Variants in HIVEP1 observed in about 807,000 individuals in gnomAD.
The protein encoded by HIVEP1 is HIVEP zinc finger 1.
A neutral mutation model predicts 180.0 loss-of-function variants in HIVEP1; 36 were observed. The observed-to-expected ratio is 0.20, with a 90% CI of 0.15 to 0.26. The LOEUF is 0.26. Among genes scored for constraint, HIVEP1 ranks in the 10% least tolerant of loss-of-function variants. HIVEP1 has a pLI of 1.00. For missense variants in HIVEP1, 3,143 were observed against 3,268.7 expected, an observed-to-expected ratio of 0.96 and a Z score of 0.94; for synonymous variants, 1,239 against 1,239.0, an observed-to-expected ratio of 1.00 and a Z score of 0.00.
chr6:12,130,079 A>T (rs1758335431), intron 5 of HIVEP1, among the ~76,000 whole-genome samples, 187 bp downstream of exon 5: 1 of 152,206 alleles, frequency 6.6e-6, no homozygotes, highest in South Asian at 2.1e-4. Context: ...TGATGGAGAA[A>T]TGATGACTAT....
At chr6:12,049,468 G>A (rs905091199) in intron 2 of HIVEP1, among the ~76,000 whole-genome samples, 2 of 152,192 alleles carry the variant, frequency 1.3e-5, no homozygotes, top group African/African-American at 4.8e-5. Flanking sequence ...GACCTTGCGC[G>A]AGGAGGTGAC....
chr6:12,150,814 CT>C (rs1759659014), intron 7 of HIVEP1, among the ~76,000 whole-genome samples: 1 of 152,000 alleles, frequency 6.6e-6, no homozygotes, highest in African/African-American at 2.4e-5. Context: ...TATTCACATT[CT>C]TTAAAAAAAT....
At chr6:12,029,698 C>T (rs537872502) in intron 2 of HIVEP1, among the ~76,000 whole-genome samples, 80 of 152,174 alleles carry the variant, frequency 5.3e-4, no homozygotes, top group Non-Finnish European at 8.8e-5. Flanking sequence ...AGAAACTTTT[C>T]TCCAGTATCT....
the HIVEP1 span, among the ~76,000 whole-genome samples, chr6:12,207,968 A>G: frequency 1.3e-5 from 2 of 151,614 alleles, no homozygotes; most frequent in Non-Finnish European, 2.9e-5. Flanking sequence ...CCTTGCTTTG[A>G]ATTCAGCTGT....
At chr6:12,175,541 T>C in the HIVEP1 span, among the ~76,000 whole-genome samples, 1 of 152,256 alleles carries the variant, frequency 6.6e-6, no homozygotes, top group African/African-American at 2.4e-5. Flanking sequence ...CAAATACTTA[T>C]GAAGCACGTA....
chr6:12,142,207 A>G (rs1180560958), intron 7 of HIVEP1, among the ~76,000 whole-genome samples: 3 of 152,356 alleles, frequency 2.0e-5, no homozygotes, highest in East Asian at 1.9e-4. Context: ...GTGCAATCCA[A>G]TTAGAACTCA....
chr6:12,120,767 G>C lies in HIVEP1; in HGVS notation c.972G>C (p.Gln324His). ...LQNQENAKLE[Q>H]VYNIAVTSSV... ...ATCAAGAGAATGCCAAACTTGAACA[G>C]GTTTATAATATAGCAGTGACATCAT... The change falls in exon 4 of 9, where the codon CAG (glutamine) becomes CAC (histidine). Residue 324 changes from glutamine to histidine, a missense_variant. Physicochemically the swap from Gln to His is conservative, Grantham distance 24 (BLOSUM62 0). This residue lies in a region of HIVEP1 where 306 missense variants were observed against 310.6 expected (regional missense o/e 0.99). Coordinates refer to ENST00000379388, the MANE Select transcript of HIVEP1 (RefSeq NM_002114.4). The C allele has an allele frequency of 6.2e-7, 1 of 1,614,180 alleles. No individual in the cohort carries two copies. The highest frequency in any genetic ancestry group is 8.5e-7 in the Non-Finnish European group (1 of 1,180,046).
At chr6:12,102,679 AACT>A in intron 3 of HIVEP1, among the ~76,000 whole-genome samples, 1 of 152,366 alleles carries the variant, frequency 6.6e-6, no homozygotes, top group South Asian at 2.1e-4. Context: ...CTTGATGTAC[AACT>A]ACAATTCCTC....
chr6:12,057,694 T>C (rs933491741), intron 2 of HIVEP1, among the ~76,000 whole-genome samples: 2 of 152,184 alleles, frequency 1.3e-5, no homozygotes, highest in African/African-American at 4.8e-5. Context: ...GTTAGTAGGC[T>C]CTTCTGATAT....
At chr6:12,108,831 G>T (rs529127891) in intron 3 of HIVEP1, among the ~76,000 whole-genome samples, 1 of 152,218 alleles carries the variant, frequency 6.6e-6, no homozygotes, top group African/African-American at 2.4e-5. Flanking sequence ...CCAGAAAGGG[G>T]CTCCCACAGT....
chr6:12,086,958 A>G (rs906631048), intron 2 of HIVEP1, among the ~76,000 whole-genome samples: 1 of 152,124 alleles, frequency 6.6e-6, no homozygotes, highest in Non-Finnish European at 1.5e-5. Context: ...GGAGAATTAT[A>G]AAAACACACT....
At chr6:12,033,493 G>A (rs1308699896) in intron 2 of HIVEP1, among the ~76,000 whole-genome samples, 2 of 152,190 alleles carry the variant, frequency 1.3e-5, no homozygotes, top group African/African-American at 4.8e-5. Flanking sequence ...CTTGAACCTT[G>A]CTGGACCACA....
the HIVEP1 span, among the ~76,000 whole-genome samples, chr6:12,191,681 A>G: frequency 6.6e-6 from 1 of 152,236 alleles, no homozygotes; most frequent in East Asian, 1.9e-4. Flanking sequence ...TCAATAGTCA[A>G]TATCGTTTGA....
At chr6:12,092,149 C>G (rs1372253412) in intron 3 of HIVEP1, among the ~76,000 whole-genome samples, 1 of 152,110 alleles carries the variant, frequency 6.6e-6, no homozygotes, top group African/African-American at 2.4e-5. Context: ...TTGTATCCAC[C>G]CACATGCTGA....
At chr6:12,009,198 G>T (rs1005133208), upstream of HIVEP1, among the ~76,000 whole-genome samples, 10 of 147,372 alleles carry the variant, frequency 6.8e-5, no homozygotes, top group Admixed American at 6.7e-4. Context: ...CGCGCCAGGG[G>T]GGTGCCTGAG....
intron 3 of HIVEP1, among the ~76,000 whole-genome samples, chr6:12,100,477 C>G (rs1160236363): frequency 2.6e-5 from 4 of 152,156 alleles, no homozygotes; most frequent in Non-Finnish European, 2.9e-5. Flanking sequence ...CTTGTGGATT[C>G]AGCTACTGTA....
intron 2 of HIVEP1, among the ~76,000 whole-genome samples, chr6:12,027,732 G>C (rs1166196963): frequency 6.6e-6 from 1 of 152,210 alleles, no homozygotes; most frequent in African/African-American, 2.4e-5. Flanking sequence ...GCCAGGTCTT[G>C]AGAATGGGAC....
At chr6:12,018,765 A>C (rs1242822277) in intron 2 of HIVEP1, among the ~76,000 whole-genome samples, 2 of 152,204 alleles carry the variant, frequency 1.3e-5, no homozygotes, top group Non-Finnish European at 2.9e-5. Flanking sequence ...GTTGTGAAAT[A>C]ACTTGGGGAC....
chr6:12,020,366 TC>T (rs1768103087), intron 2 of HIVEP1: 1 of 471,052 alleles, frequency 2.1e-6, no homozygotes, highest in Admixed American at 2.3e-5. Flanking sequence ...TGTCCTGGGT[TC>T]CGTGGAGAAG....
Sources: gnomAD v4.1 joint callset for allele counts (sites outside exome capture counted in the v4.1 genomes callset) on GRCh38, gnomAD v4.1.1 for gene constraint, gnomAD v4.1.1 regional missense constraint, MANE v1.5 for transcripts, NCBI Gene and HGNC (gene_info 2026-07-23, HGNC 2026-07-21) for gene names.